The following USP35 variants were observed in gnomAD, a reference collection of about 807,000 sequenced individuals.
USP35 encodes ubiquitin specific peptidase 35, also known as ubiquitin carboxyl-terminal hydrolase 35.
Under a neutral mutation model 83.8 loss-of-function variants are expected in USP35, and 69 were observed. That is an observed-to-expected ratio of 0.82 (90% confidence interval 0.68 to 1.01). The LOEUF is 1.01. Ranked by LOEUF, USP35 falls within the 50% of genes least tolerant of loss-of-function variation. The probability of loss-of-function intolerance (pLI) is 0.00; values close to 1 mark genes in which losing one functional copy is unlikely to be tolerated. For missense variants in USP35, 1,503 were observed against 1,362.5 expected (o/e 1.10, Z -1.62); for synonymous variants, 714 against 589.5 (o/e 1.21, Z -3.06).
chr11:78,226,578 C>T, the USP35 span: 15 of 1,126,990 alleles, frequency 1.3e-5, no homozygotes, highest in Middle Eastern at 2.4e-4. Context: ...ACTGCCCCAT[C>T]GAGGTGTTTC....
rs552203038 is a variant in USP35, at chr11:78,197,955, C to T, written c.693C>T (p.Ser231=). 6.4e-5 allele frequency: 103 copies of T among 1,614,162 alleles called. 1 individual carries two copies. Among genetic ancestry groups the T allele is most frequent in the South Asian group, 4.4e-4 (40 of 91,082 alleles). ...ISCAEEEPPS[S]ALASVVQHLP... ...TTCCAGAGGAGGAGCCACCATCTAG[C>T]GCCCTGGCCAGCGTGGTCCAGCACC... The change falls in exon 3 of 11, where the codon AGC becomes AGT. Residue 231 remains serine, a synonymous_variant. Transcript: ENST00000529308.
At chr11:78,234,362 C>T in the USP35 span, among the ~76,000 whole-genome samples, 8 of 152,118 alleles carry the variant, frequency 5.3e-5, no homozygotes, top group South Asian at 2.1e-4. Flanking sequence ...GGATTACAGG[C>T]GTGAACTACT....
downstream of USP35, among the ~76,000 whole-genome samples, chr11:78,219,850 C>G (rs1334874532): frequency 6.6e-6 from 1 of 152,176 alleles, no homozygotes; most frequent in Non-Finnish European, 1.5e-5. Flanking sequence ...TGAGGCACAG[C>G]TCTGCACCCT....
In USP35 at chr11:78,205,890, G is replaced by A. The variant is rs542837481; in HGVS notation, c.1246G>A (p.Asp416Asn). The A allele has an allele frequency of 9.9e-6, 16 of 1,614,250 alleles. No homozygotes were observed. The South Asian group carries it at 1.8e-4, about 18-fold the overall frequency. The change falls in exon 7 of 11, where the codon GAT (aspartate) becomes AAT (asparagine). Residue 416 changes from aspartate (D) to asparagine (N), a missense_variant. Asp to Asn is a conservative substitution (Grantham distance 23). Coordinates refer to ENST00000529308, the MANE Select transcript of USP35 (RefSeq NM_020798.4). Reference protein sequence around the residue: ...EDRIKQLLGQDAWTSQKSELA... With the variant: ...EDRIKQLLGQNAWTSQKSELA... ...CCGCATCAAGCAGCTGCTGGGGCAG[G>A]ATGCCTGGACTTCGCAGAAGAGCGA...
the USP35 span, among the ~76,000 whole-genome samples, chr11:78,221,500 ACTC>A: frequency 6.6e-6 from 1 of 152,048 alleles, no homozygotes; most frequent in African/African-American, 2.4e-5. Context: ...TCTGATGACA[ACTC>A]CTACTGCTTG....
At chr11:78,235,203 A>G in the USP35 span, among the ~76,000 whole-genome samples, 2 of 151,764 alleles carry the variant, frequency 1.3e-5, no homozygotes, top group Admixed American at 1.3e-4. Flanking sequence ...CCCAGGCTGG[A>G]GTGCAGTGGC....
At chr11:78,189,328 C>T (rs1862929485) in intron 1 of USP35, among the ~76,000 whole-genome samples, 171 bp downstream of exon 1, 1 of 152,212 alleles carries the variant, frequency 6.6e-6, no homozygotes, top group Non-Finnish European at 1.5e-5. Context: ...CCTCTCTGGG[C>T]ATTAATCCCC....
chr11:78,236,486 G>C, the USP35 span, among the ~76,000 whole-genome samples: 1 of 152,120 alleles, frequency 6.6e-6, no homozygotes, highest in East Asian at 1.9e-4. Context: ...GAACTGATGA[G>C]AATCTCCAGT....
Position 78,191,046 on chromosome 11 carries a change from C to T in USP35, c.-11+1889C>T, listed in dbSNP as rs566615361. Among the ~76,000 whole-genome samples, 12 of 152,240 alleles carry T rather than the reference C, an allele frequency of 7.9e-5. No homozygotes were observed. The South Asian group carries it at 1.4e-3, about 18-fold the overall frequency. On this transcript the variant is annotated intron_variant, in intron 1 of 10. Coordinates refer to ENST00000529308, the MANE Select transcript of USP35 (RefSeq NM_020798.4). The stretch of plus-strand genomic sequence containing the variant: ...GGGGCATGGACGGAATGGTGCTTAC[C>T]GTGTAATAAGCTCCATCTGACGATG...
chr11:78,197,982 C>G lies in USP35; in HGVS notation c.720C>G (p.Leu240=). The G allele has an allele frequency of 3.7e-6, 6 of 1,614,240 alleles. No homozygotes were observed. Among genetic ancestry groups the G allele is most frequent in the Non-Finnish European group, 5.1e-6 (6 of 1,180,042 alleles). Residue 240 remains leucine (L), a synonymous_variant, in exon 3 of 11, where the codon CTC becomes CTG. Transcript: ENST00000529308. ...SSALASVVQH[L]PLELMDGVVR... is the part of the protein sequence containing the mutation. The stretch of plus-strand genomic sequence containing the variant: ...CCCTGGCCAGCGTGGTCCAGCACCT[C>G]CCATTGGAGCTCATGGATGGTGTTG...
chr11:78,221,618 G>T, the USP35 span: 1 of 1,009,742 alleles, frequency 9.9e-7, no homozygotes, highest in Non-Finnish European at 1.5e-6. Context: ...GTGGGGAACT[G>T]AGGGGTGGGT....
At chr11:78,189,862 T>G (rs1272243932) in intron 1 of USP35, among the ~76,000 whole-genome samples, 1 of 152,186 alleles carries the variant, frequency 6.6e-6, no homozygotes, top group Non-Finnish European at 1.5e-5. Flanking sequence ...GGCCCAGACA[T>G]GGGCCTCCCG....
At chr11:78,226,931 G>C in the USP35 span, 3 of 1,613,778 alleles carry the variant, frequency 1.9e-6, no homozygotes, top group South Asian at 3.3e-5. Flanking sequence ...GGCTATAGAA[G>C]CCATGGACTT....
chr11:78,222,308 T>A, the USP35 span: 2 of 712,988 alleles, frequency 2.8e-6, no homozygotes, highest in African/African-American at 3.5e-5. Context: ...TCATTCCAGT[T>A]TCACACAGGG....
chr11:78,227,022 G>C, the USP35 span: 12 of 1,612,424 alleles, frequency 7.4e-6, no homozygotes, highest in South Asian at 1.1e-5. Flanking sequence ...GAGAAAAGAG[G>C]CTCTGGTGCC....
At position 78,214,238 on chromosome 11, in the gene USP35, GT is replaced by G. The variant is rs1277117047; in HGVS notation, c.*426del. 0.028 allele frequency: 2,594 copies of G among 91,858 alleles called. 58 individuals carry two copies. The highest frequency in any genetic ancestry group is 0.073 in the African/African-American group (1,364 of 18,656). 5.7% of individuals were successfully genotyped at this position (91,858 alleles called of 1,614,324 possible). A position where few individuals can be genotyped will look rare whatever the true frequency, so the allele number is the denominator to read the frequency against. ...CAGGATCCAAGCCTTGCACAAAGGG[GT>G]GGGGGGGGCAGTGTCTCCTCTGGCT... On this transcript the variant is annotated 3_prime_UTR_variant, in exon 11 of 11. Coordinates refer to ENST00000529308, the MANE Select transcript of USP35 (RefSeq NM_020798.4).
At chr11:78,234,392 C>T in the USP35 span, among the ~76,000 whole-genome samples, 2 of 151,960 alleles carry the variant, frequency 1.3e-5, no homozygotes, top group African/African-American at 4.8e-5. Context: ...CTAGAAGTTT[C>T]GTAGTATTAG....
In USP35 at chr11:78,195,003, A is replaced by G. The variant is rs182972715; in HGVS notation, c.-10-1233A>G. Among the ~76,000 whole-genome samples, 738 of 152,268 alleles carry G rather than the reference A, an allele frequency of 4.8e-3. 5 individuals carry two copies. Among genetic ancestry groups the G allele is most frequent in the African/African-American group, 0.017 (699 of 41,536 alleles). Reference sequence around the variant, plus strand: ...GAAGTGACTTTCAGCTGAGGTCTGCAGGGGGAGGGAAGAGCATACACAAAG... The same window carrying G: ...GAAGTGACTTTCAGCTGAGGTCTGCGGGGGGAGGGAAGAGCATACACAAAG... On this transcript the variant is annotated intron_variant, in intron 1 of 10. Coordinates refer to ENST00000529308, the MANE Select transcript of USP35 (RefSeq NM_020798.4).
downstream of USP35, chr11:78,216,264 C>G (rs1282886509): frequency 6.6e-6 from 1 of 152,288 alleles, no homozygotes; most frequent in African/African-American, 2.4e-5. Context: ...GAAGAAGGCT[C>G]CTTGGAGAGC....
Sources: allele counts gnomAD v4.1 joint callset (sites outside exome capture counted in the v4.1 genomes callset), GRCh38; gene constraint gnomAD v4.1.1; transcripts MANE v1.5; gene names NCBI Gene and HGNC (gene_info 2026-07-23, HGNC 2026-07-21).